Variants in USP9X observed in about 807,000 individuals in gnomAD.
The protein encoded by USP9X is ubiquitin carboxyl-terminal hydrolase 9X.
A neutral mutation model predicts 190.3 loss-of-function variants in USP9X; 7 were observed. The ratio of observed to expected loss-of-function variants is 0.04; its 90% confidence interval spans 0.02 to 0.07. USP9X has a LOEUF of 0.07. Ranked by LOEUF, USP9X falls within the 10% of genes least tolerant of loss-of-function variation. The pLI is 1.00. For synonymous variants in USP9X, 645 were observed against 659.5 expected (o/e 0.98, Z 0.34); for missense variants, 1,010 against 1,916.9 (o/e 0.53, Z 8.83).
intron 1 of USP9X, among the ~76,000 whole-genome samples, chrX:41,106,592 G>A (rs376349908): frequency 2.1e-5 from 2 of 93,806 alleles, no homozygotes; most frequent in African/African-American, 4.0e-5. Flanking sequence ...GTGCAATGGC[G>A]CGATCTTGGC....
At chrX:41,147,909 G>C (rs2062484854) in intron 11 of USP9X, among the ~76,000 whole-genome samples, 1 of 111,657 alleles carries the variant, frequency 9.0e-6, no homozygotes, top group Non-Finnish European at 1.9e-5. Context: ...TTATGATTCT[G>C]GAGGTTGGGA....
At chrX:41,197,598 G>A (rs1294070726) in intron 29 of USP9X, 88 bp downstream of exon 29, 7 of 787,878 alleles carry the variant, frequency 8.9e-6, no homozygotes, top group Non-Finnish European at 1.2e-5. Context: ...GTAGTATCAT[G>A]TCTTTGTACT....
chrX:41,111,374 G>C (rs185418565), intron 1 of USP9X, among the ~76,000 whole-genome samples: 2 of 112,025 alleles, frequency 1.8e-5, no homozygotes, highest in Non-Finnish European at 3.8e-5. Context: ...GAACTGTTAA[G>C]TGTTACTTGA....
chrX:41,193,866 A>G (rs148454834), intron 26 of USP9X, among the ~76,000 whole-genome samples: 3 of 111,861 alleles, frequency 2.7e-5, no homozygotes, highest in African/African-American at 9.7e-5. Context: ...AGGCAACAGG[A>G]TTAGTTGACA....
intron 24 of USP9X, among the ~76,000 whole-genome samples, 163 bp from the exon 25 acceptor site, chrX:41,187,829 C>CTTT (rs371008986): frequency 2.0e-4 from 18 of 91,642 alleles, no homozygotes; most frequent in African/African-American, 5.9e-4. Context: ...CCGCCCCCAC[C>CTTT]TTTTTTTTTT....
At chrX:41,201,313 T>G in intron 31 of USP9X, 33 bp downstream of exon 31, 2 of 1,123,008 alleles carry the variant, frequency 1.8e-6, no homozygotes, top group Non-Finnish European at 2.5e-6. Flanking sequence ...GTTTTCTGTG[T>G]TTCAAGTTAT....
chrX:41,113,265 G>A (rs969218827), intron 1 of USP9X, among the ~76,000 whole-genome samples: 1 of 111,552 alleles, frequency 9.0e-6, no homozygotes, highest in East Asian at 2.8e-4. Context: ...GTAGTGGTGC[G>A]ATCTTGCTCT....
chrX:41,181,470 A>G (rs1364964666), intron 21 of USP9X, among the ~76,000 whole-genome samples: 1 of 72,324 alleles, frequency 1.4e-5, no homozygotes, highest in Non-Finnish European at 2.6e-5. Flanking sequence ...TTTTTGAGAT[A>G]CAGAGTCTCA....
intron 21 of USP9X, among the ~76,000 whole-genome samples, chrX:41,179,300 A>G (rs2147145293): frequency 8.9e-6 from 1 of 111,968 alleles, no homozygotes; most frequent in South Asian, 3.7e-4. Context: ...TGAAGAATAT[A>G]ATTGGTATTT....
intron 32 of USP9X, among the ~76,000 whole-genome samples, chrX:41,209,004 G>A (rs1181331117): frequency 2.7e-5 from 3 of 111,355 alleles, no homozygotes; most frequent in East Asian, 5.6e-4. Flanking sequence ...CACCGCGCCC[G>A]GCCTTTTTTC....
At chrX:41,119,193 G>C (rs1438934825) in intron 1 of USP9X, among the ~76,000 whole-genome samples, 1 of 111,237 alleles carries the variant, frequency 9.0e-6, no homozygotes, top group African/African-American at 3.3e-5. Flanking sequence ...GATGGAGCCA[G>C]GTGATGAGAG....
chrX:41,211,591 C>T (rs2063158108), intron 33 of USP9X, among the ~76,000 whole-genome samples: 1 of 113,064 alleles, frequency 8.8e-6, no homozygotes, highest in East Asian at 2.8e-4. Context: ...AGGGGTGCCT[C>T]TGCCCGGCTG....
chrX:41,183,864 T>C lies in USP9X; in HGVS notation c.3149-134T>C, dbSNP rs767318765. 172 of 770,866 alleles carry C rather than the reference T, an allele frequency of 2.2e-4. 1 individual carries two copies. The highest frequency in any genetic ancestry group is 4.3e-4 in the Admixed American group (10 of 23,515). The allele number at this position is 770,866 out of a possible 1,213,427, so 63.5% of individuals were successfully genotyped here. ...TTTAATCATTCCAGGTCTTGTCATG[T>C]CTTAGGAAGTTTGAGCCTATAGCCC... is the stretch of plus-strand genomic sequence containing the variant. On this transcript the variant is annotated intron_variant, in intron 21 of 44. Transcript: ENST00000378308.
chrX:41,161,344 T>TTTTTC (rs2062628815), intron 14 of USP9X, among the ~76,000 whole-genome samples: 1 of 87,245 alleles, frequency 1.1e-5, no homozygotes, highest in Non-Finnish European at 2.2e-5. Flanking sequence ...TTTTTTTTTT[T>TTTTTC]TTTTTTTTTT....
At chrX:41,159,068 T>G (rs2062604856) in intron 14 of USP9X, among the ~76,000 whole-genome samples, 1 of 111,370 alleles carries the variant, frequency 9.0e-6, no homozygotes. Context: ...TTTAACATTC[T>G]GCTTGAGGCA....
Position 41,219,128 on chromosome X carries a change from T to A in USP9X, c.6462T>A (p.Asp2154Glu). The A allele has an allele frequency of 1.7e-6, 2 of 1,209,129 alleles. No homozygotes were observed. Among genetic ancestry groups the A allele is most frequent in the Non-Finnish European group, 2.2e-6 (2 of 894,535 alleles). The change falls in exon 38 of 45, where the codon GAT becomes GAA. Residue 2154 changes from aspartate to glutamate, a missense_variant. Physicochemically the swap from Asp to Glu is conservative, Grantham distance 45. Around this residue, in one of 11 missense-constraint regions of USP9X, gnomAD observed 121 missense variants for 281.2 expected, o/e 0.43. Transcript: ENST00000378308. The part of the protein sequence containing the change: ...SQAYDNLSLS[D>E]HLLRAVLNLL... Reference sequence around the variant, plus strand: ...CTTATGACAACTTAAGCTTGAGTGATCACTTACTAAGAGCAGTACTAAATC... The same window carrying A: ...CTTATGACAACTTAAGCTTGAGTGAACACTTACTAAGAGCAGTACTAAATC...
intron 34 of USP9X, among the ~76,000 whole-genome samples, chrX:41,215,692 C>G (rs1324261552): frequency 8.9e-6 from 1 of 112,431 alleles, no homozygotes; most frequent in Admixed American, 9.4e-5. Flanking sequence ...TGACAGAAAC[C>G]AGTCAACAAT....
intron 1 of USP9X, among the ~76,000 whole-genome samples, chrX:41,105,656 C>T (rs990466711): frequency 7.1e-5 from 8 of 111,989 alleles, no homozygotes; most frequent in Admixed American, 6.7e-4. Context: ...TGAGTGTATA[C>T]CCAGAAGTGG....
At chrX:41,137,160 G>A (rs749990813) in intron 6 of USP9X, 138 bp downstream of exon 6, 111 of 575,441 alleles carry the variant, frequency 1.9e-4, no homozygotes, top group Middle Eastern at 1.9e-3. Flanking sequence ...AGCCTTTTTC[G>A]TAGCTTTGTC....
Sources: gnomAD v4.1 joint callset for allele counts (sites outside exome capture counted in the v4.1 genomes callset) on GRCh38, gnomAD v4.1.1 for gene constraint, gnomAD v4.1.1 regional missense constraint, MANE v1.5 for transcripts, NCBI Gene and HGNC (gene_info 2026-07-23, HGNC 2026-07-21) for gene names.